PSD3: variants seen among roughly 807,000 people sequenced by gnomAD.
The protein encoded by PSD3 is pleckstrin and Sec7 domain containing 3.
Under a neutral mutation model 105.5 loss-of-function variants are expected in PSD3, and 49 were observed. The ratio of observed to expected loss-of-function variants is 0.46; its 90% CI spans 0.37 to 0.59. The LOEUF (loss-of-function observed/expected upper bound fraction) is 0.59. Ranked by LOEUF, PSD3 falls within the 20% of genes least tolerant of loss-of-function variation. PSD3 has a pLI of 0.00. For synonymous variants in PSD3, 557 were observed against 457.8 expected, an observed-to-expected ratio of 1.22 and a Z score of -2.77; for missense variants, 1,561 against 1,263.8, an observed-to-expected ratio of 1.24 and a Z score of -3.57.
chr8:18,559,911 C>T lies in PSD3; in HGVS notation c.2785-3559G>A, dbSNP rs1057122647. ...TCTGTTTCTACAGCAGCATAAAGGG[C>T]TAGTCATTTAGGCTATATTTTTACA... is the stretch of plus-strand genomic sequence containing the variant. On this transcript the variant is annotated intron_variant, in intron 14 of 15. Transcript: ENST00000327040. Among the ~76,000 whole-genome samples, 37 of 152,094 alleles carry T rather than the reference C, an allele frequency of 2.4e-4. 1 individual carries two copies. Among genetic ancestry groups the T allele is most frequent in the Admixed American group, 6.6e-5 (1 of 15,264 alleles).
intron 15 of PSD3, among the ~76,000 whole-genome samples, chr8:18,555,136 G>A (rs1486014104): frequency 6.6e-6 from 1 of 152,040 alleles, no homozygotes; most frequent in Non-Finnish European, 1.5e-5. Context: ...TTGAACCTCA[G>A]AAAAACAACC....
rs1175367327 is a variant in PSD3, at chr8:19,082,942, T to C, written c.324+1264A>G. 2.0e-5 allele frequency among the ~76,000 whole-genome samples: 3 copies of C among 152,290 alleles called. No homozygotes were observed. In the East Asian group the frequency reaches 5.8e-4, roughly 29 times the overall value. ...GAGCTTTCTCCCCGTTTCTTAACTG[T>C]GGCTACGCAGGCCCTTGTTAAAAAG... is the stretch of plus-strand genomic sequence containing the variant. On this transcript the variant is annotated intron_variant, in intron 1 of 1. Coordinates refer to the PSD3 transcript ENST00000521475.
intron 2 of PSD3, chr8:18,924,555 CTTTG>C (rs1821241548): frequency 6.6e-6 from 1 of 152,098 alleles, no homozygotes; most frequent in South Asian, 2.1e-4. Flanking sequence ...TCATTTCTTC[CTTTG>C]TTTATTTGTG....
rs550693368 is a variant in PSD3, at chr8:18,669,223, T to C, written c.2173-13538A>G. ...GTTTTTTGTAACTACTAGACACTAA[T>C]TAGAATGTACTTTTTCTGATACAGT... On this transcript the variant is annotated intron_variant, in intron 9 of 15. Coordinates refer to ENST00000327040, the MANE Select transcript of PSD3 (RefSeq NM_015310.4). Among the ~76,000 whole-genome samples, 24 of 152,324 alleles carry C rather than the reference T, an allele frequency of 1.6e-4. 1 individual carries two copies. In the East Asian group the frequency reaches 3.9e-3, roughly 24 times the overall value.
At chr8:18,599,610 T>G (rs776904711) in intron 12 of PSD3, among the ~76,000 whole-genome samples, 1 of 152,162 alleles carries the variant, frequency 6.6e-6, no homozygotes, top group Admixed American at 6.5e-5. Flanking sequence ...AGACCCTATA[T>G]ATAGATGACC....
intron 8 of PSD3, among the ~76,000 whole-genome samples, chr8:18,798,260 C>T (rs746077339): frequency 6.6e-6 from 1 of 152,104 alleles, no homozygotes; most frequent in Non-Finnish European, 1.5e-5. Context: ...TTACAAGCCA[C>T]TAAGTGATTC....
chr8:18,560,605 T>C (rs1315100657), intron 14 of PSD3, among the ~76,000 whole-genome samples: 3 of 152,122 alleles, frequency 2.0e-5, no homozygotes, highest in Admixed American at 6.6e-5. Flanking sequence ...TGTGGTTATA[T>C]GTCAATAGAT....
At chr8:18,922,643 C>T (rs1339081626) in intron 2 of PSD3, among the ~76,000 whole-genome samples, 1 of 152,178 alleles carries the variant, frequency 6.6e-6, no homozygotes, top group Non-Finnish European at 1.5e-5. Flanking sequence ...GGGACTCAGT[C>T]TCCAAGACTG....
chr8:18,841,106 C>G (rs1189391280), intron 4 of PSD3, among the ~76,000 whole-genome samples: 4 of 152,172 alleles, frequency 2.6e-5, no homozygotes, highest in African/African-American at 9.7e-5. Context: ...GGGTAAAAAT[C>G]AAGTTTACAA....
chr8:18,933,032 C>A (rs910256143), intron 2 of PSD3, among the ~76,000 whole-genome samples: 5 of 152,176 alleles, frequency 3.3e-5, no homozygotes, highest in Admixed American at 1.3e-4. Context: ...GAGTAAGAAC[C>A]ATGTCTTCCA....
chr8:18,595,240 A>G (rs534725503), intron 12 of PSD3, among the ~76,000 whole-genome samples: 1 of 150,322 alleles, frequency 6.7e-6, no homozygotes, highest in Non-Finnish European at 1.5e-5. Context: ...AAAAACCCTA[A>G]AAGATACCCA....
chr8:18,538,314 C>A (rs1032474206), intron 15 of PSD3, among the ~76,000 whole-genome samples: 1 of 152,138 alleles, frequency 6.6e-6, no homozygotes, highest in Admixed American at 6.5e-5. Flanking sequence ...CTCAGAAGGC[C>A]ACATGATAGT....
intron 12 of PSD3, among the ~76,000 whole-genome samples, chr8:18,581,384 C>T (rs933218412): frequency 6.6e-6 from 1 of 151,770 alleles, no homozygotes; most frequent in Non-Finnish European, 1.5e-5. Context: ...GGCTCAGGGG[C>T]ACTGCAAGTA....
At chr8:18,644,210 T>C (rs1181876545) in intron 10 of PSD3, among the ~76,000 whole-genome samples, 3 of 152,262 alleles carry the variant, frequency 2.0e-5, no homozygotes, top group Non-Finnish European at 4.4e-5. Context: ...TTCCCAAGCA[T>C]GCTTTATCAT....
At chr8:18,811,465 A>G (rs946364295) in intron 4 of PSD3, among the ~76,000 whole-genome samples, 1 of 152,220 alleles carries the variant, frequency 6.6e-6, no homozygotes, top group African/African-American at 2.4e-5. Flanking sequence ...GAGGGGAGCT[A>G]AAAATAAAGA....
At chr8:18,629,522 AAG>A (rs980477449) in intron 11 of PSD3, among the ~76,000 whole-genome samples, 5 of 152,032 alleles carry the variant, frequency 3.3e-5, no homozygotes, top group African/African-American at 1.2e-4. Flanking sequence ...AAGCAATAAG[AAG>A]AGAGAAACTA....
At chr8:18,624,247 C>T (rs376949865) in intron 11 of PSD3, among the ~76,000 whole-genome samples, 2 of 152,146 alleles carry the variant, frequency 1.3e-5, no homozygotes, top group South Asian at 4.2e-4. Flanking sequence ...GGGCCCATTG[C>T]TCCAAATCCT....
intron 1 of PSD3, among the ~76,000 whole-genome samples, chr8:18,943,704 C>T (rs11780576): frequency 0.48 from 73,392 of 151,834 alleles, 18,318 homozygotes; most frequent in Non-Finnish European, 0.54. Flanking sequence ...CCCTCCCCTA[C>T]TCAGGTAAAA....
Position 18,996,843 on chromosome 8 carries a change from C to G in PSD3, c.21+16720G>C, listed in dbSNP as rs767138827. ...GGTCCCCACTACTACACTATAATCC[C>G]AGTTGGTTATCAACCTCAGCAATGA... On this transcript the variant is annotated intron_variant, in intron 1 of 15. Transcript: ENST00000327040. 2.8e-4 allele frequency among the ~76,000 whole-genome samples: 42 copies of G among 151,926 alleles called. 2 individuals carry two copies. The highest frequency in any genetic ancestry group is 4.8e-5 in the African/African-American group (2 of 41,338).
Sources: allele counts gnomAD v4.1 joint callset (sites outside exome capture counted in the v4.1 genomes callset), GRCh38; gene constraint gnomAD v4.1.1; transcripts MANE v1.5; gene names NCBI Gene and HGNC (gene_info 2026-07-23, HGNC 2026-07-21).